Variants in KCNH8 observed in about 807,000 individuals in gnomAD.
KCNH8 encodes potassium voltage-gated channel subfamily H member 8, also known as voltage-gated delayed rectifier potassium channel KCNH8.
Under a neutral mutation model 103.6 loss-of-function variants are expected in KCNH8, and 70 were observed. The ratio of observed to expected loss-of-function variants is 0.68; its 90% CI spans 0.56 to 0.82. The LOEUF (loss-of-function observed/expected upper bound fraction) is 0.82, where lower values mean the gene tolerates loss of function less well. Among genes scored for constraint, KCNH8 ranks in the 40% least tolerant of loss-of-function variants. KCNH8 has a pLI of 0.00. For synonymous variants in KCNH8, 498 were observed against 489.4 expected (o/e 1.02, Z -0.23); for missense variants, 1,217 against 1,329.9 (o/e 0.92, Z 1.32).
At chr3:19,271,696 A>T (rs530080102) in intron 2 of KCNH8, among the ~76,000 whole-genome samples, 38 of 152,274 alleles carry the variant, frequency 2.5e-4, no homozygotes, top group African/African-American at 8.7e-4. Context: ...TAGCCATATA[A>T]CCAGTATGCA....
chr3:19,281,078 G>C (rs1223691030), intron 2 of KCNH8, 120 bp from the exon 3 acceptor site: 19 of 951,896 alleles, frequency 2.0e-5, no homozygotes, highest in Non-Finnish European at 3.0e-5. Flanking sequence ...TTTTAAGATG[G>C]AGGGAGTTGT....
chr3:19,148,638 C>A lies in KCNH8; in HGVS notation c.-82C>A. On this transcript the variant is annotated 5_prime_UTR_variant, in exon 1 of 16. Coordinates refer to ENST00000328405, the MANE Select transcript of KCNH8 (RefSeq NM_144633.3). ...CCCCTTCCCTGCCGTCATCAGGTTC[C>A]CCTTCTCCCTTCTTGGCACTTTCCT... The A allele has an allele frequency of 1.5e-6, 2 of 1,361,220 alleles. No homozygotes were observed. The highest frequency in any genetic ancestry group is 2.1e-6 in the Non-Finnish European group (2 of 948,552). The allele number at this position is 1,361,220 out of a possible 1,614,324, so 84.3% of individuals were successfully genotyped here.
intron 1 of KCNH8, among the ~76,000 whole-genome samples, chr3:19,191,507 A>G (rs1248271949): frequency 6.6e-6 from 1 of 151,862 alleles, no homozygotes; most frequent in East Asian, 1.9e-4. Flanking sequence ...GTTTATTTGT[A>G]TGCATGAATT....
At chr3:19,359,638 T>C (rs1217344681) in intron 5 of KCNH8, among the ~76,000 whole-genome samples, 1 of 152,040 alleles carries the variant, frequency 6.6e-6, no homozygotes, top group East Asian at 1.9e-4. Flanking sequence ...ACCCACTAAA[T>C]GCCAGTAGCA....
chr3:19,498,373 G>A (rs545442454), intron 11 of KCNH8, among the ~76,000 whole-genome samples: 3 of 150,434 alleles, frequency 2.0e-5, no homozygotes, highest in Non-Finnish European at 4.5e-5. Context: ...TGGCTGGTAT[G>A]TTTGTTTGTT....
At chr3:19,367,091 C>G (rs1189578117) in intron 5 of KCNH8, among the ~76,000 whole-genome samples, 1 of 151,928 alleles carries the variant, frequency 6.6e-6, no homozygotes, top group African/African-American at 2.4e-5. Context: ...GTGGCTCCAG[C>G]CATACTGACC....
At chr3:19,437,101 A>C (rs1228353871) in intron 7 of KCNH8, among the ~76,000 whole-genome samples, 1 of 152,174 alleles carries the variant, frequency 6.6e-6, no homozygotes, top group Non-Finnish European at 1.5e-5. Flanking sequence ...TTACTGCTTA[A>C]GAGTGTAATG....
At chr3:19,461,595 G>A (rs372917425) in intron 11 of KCNH8, among the ~76,000 whole-genome samples, 1 of 152,214 alleles carries the variant, frequency 6.6e-6, no homozygotes, top group East Asian at 1.9e-4. Flanking sequence ...AAATGGAAAT[G>A]TACACAACAT....
chr3:19,438,372 ATCT>A lies in KCNH8; in HGVS notation c.1375+16_1375+18del. The A allele has an allele frequency of 6.2e-7, 1 of 1,606,800 alleles. No individual in the cohort carries two copies. Among genetic ancestry groups the A allele is most frequent in the East Asian group, 2.2e-5 (1 of 44,818 alleles). On this transcript the variant is annotated intron_variant, in intron 8 of 15. Coordinates refer to ENST00000328405, the MANE Select transcript of KCNH8 (RefSeq NM_144633.3). ...CCATGCTGATTGGTGGTAAGAGAGC[ATCT>A]TCTTTTATACTAAGAAGAGGAACTA...
At chr3:19,224,688 G>T (rs2063910427) in intron 1 of KCNH8, among the ~76,000 whole-genome samples, 1 of 151,490 alleles carries the variant, frequency 6.6e-6, no homozygotes, top group South Asian at 2.1e-4. Flanking sequence ...TTACAGGCAT[G>T]AGCCACCTCA....
At chr3:19,297,172 G>C (rs1449727839) in intron 3 of KCNH8, among the ~76,000 whole-genome samples, 8 of 152,152 alleles carry the variant, frequency 5.3e-5, no homozygotes, top group Admixed American at 5.2e-4. Context: ...GAGATACCCA[G>C]ATAGAAGGGA....
At chr3:19,281,062 T>G in intron 2 of KCNH8, 136 bp from the exon 3 acceptor site, 1 of 818,718 alleles carries the variant, frequency 1.2e-6, no homozygotes, top group South Asian at 1.6e-5. Flanking sequence ...ACCTGAAAAC[T>G]GACATTTTTA....
intron 3 of KCNH8, among the ~76,000 whole-genome samples, chr3:19,295,160 G>A (rs1471971121): frequency 1.3e-5 from 2 of 152,064 alleles, no homozygotes; most frequent in Non-Finnish European, 2.9e-5. Flanking sequence ...GGCTGAGGCA[G>A]GAGGACTGCT....
intron 1 of KCNH8, among the ~76,000 whole-genome samples, chr3:19,164,980 A>G (rs2063268429): frequency 6.6e-6 from 1 of 152,076 alleles, no homozygotes; most frequent in African/African-American, 2.4e-5. Flanking sequence ...CTGGCTCATC[A>G]GTGGTTCTTT....
chr3:19,248,556 T>C (rs2064235301), intron 1 of KCNH8, among the ~76,000 whole-genome samples: 1 of 152,166 alleles, frequency 6.6e-6, no homozygotes, highest in Admixed American at 6.5e-5. Flanking sequence ...TTTTCTACAA[T>C]TTACCCATTT....
intron 7 of KCNH8, among the ~76,000 whole-genome samples, chr3:19,402,154 T>C (rs553490815): frequency 1.3e-5 from 2 of 152,060 alleles, no homozygotes; most frequent in African/African-American, 4.8e-5. Context: ...TCTGAAGAAA[T>C]TGATTAAACT....
At chr3:19,502,210 T>A (rs891940021) in intron 11 of KCNH8, among the ~76,000 whole-genome samples, 1 of 151,140 alleles carries the variant, frequency 6.6e-6, no homozygotes, top group Non-Finnish European at 1.5e-5. Context: ...GAATCCAACT[T>A]ACAAGGGATG....
intron 4 of KCNH8, among the ~76,000 whole-genome samples, chr3:19,345,012 T>C (rs972362353): frequency 1.3e-5 from 2 of 152,112 alleles, no homozygotes; most frequent in African/African-American, 4.8e-5. Context: ...AACAGGAATA[T>C]ATGCTTCAGC....
intron 11 of KCNH8, among the ~76,000 whole-genome samples, chr3:19,482,606 T>C (rs975658530): frequency 4.6e-5 from 7 of 152,192 alleles, no homozygotes; most frequent in African/African-American, 1.2e-4. Flanking sequence ...ATAACTCTTA[T>C]TATAAAAGTT....
Sources: gnomAD v4.1 joint callset for allele counts (sites outside exome capture counted in the v4.1 genomes callset) on GRCh38, gnomAD v4.1.1 for gene constraint, MANE v1.5 for transcripts, NCBI Gene and HGNC (gene_info 2026-07-23, HGNC 2026-07-21) for gene names.